Variants in ELOC observed in about 807,000 individuals in gnomAD.
ELOC encodes elongin C.
For synonymous variants in ELOC, 40 were observed against 51.3 expected, an observed-to-expected ratio of 0.78 and a Z score of 0.94; for missense variants, 38 against 139.0, an observed-to-expected ratio of 0.27 and a Z score of 3.65.
intron 3 of ELOC, among the ~76,000 whole-genome samples, chr8:73,953,248 G>T (rs532721782): frequency 2.0e-5 from 3 of 152,190 alleles, no homozygotes; most frequent in African/African-American, 7.2e-5. Context: ...GGAGGTTGCG[G>T]TGAGTGGAGA....
At chr8:73,962,809 A>G (rs1267671496) in intron 1 of ELOC, among the ~76,000 whole-genome samples, 2 of 152,352 alleles carry the variant, frequency 1.3e-5, no homozygotes, top group East Asian at 3.8e-4. Context: ...TTAAGGAGAG[A>G]AGAGGAGACC....
At chr8:73,963,734 T>C (rs922167858) in intron 1 of ELOC, among the ~76,000 whole-genome samples, 2 of 152,052 alleles carry the variant, frequency 1.3e-5, no homozygotes, top group African/African-American at 4.8e-5. Context: ...AAAATATCCA[T>C]AAAAATCCAT....
intron 1 of ELOC, among the ~76,000 whole-genome samples, chr8:73,962,322 A>C (rs1814659275): frequency 6.6e-6 from 1 of 152,244 alleles, no homozygotes; most frequent in African/African-American, 2.4e-5. Context: ...ATTTAAACCT[A>C]GGTAGGTCTG....
chr8:73,952,344 G>A (rs777180527), intron 3 of ELOC, among the ~76,000 whole-genome samples: 6 of 151,660 alleles, frequency 4.0e-5, no homozygotes, highest in Non-Finnish European at 5.9e-5. Flanking sequence ...GAGGTGGAGG[G>A]TGCAGTGAGC....
chr8:73,959,466 G>C (rs1348963257), intron 2 of ELOC, among the ~76,000 whole-genome samples: 1 of 152,004 alleles, frequency 6.6e-6, no homozygotes, highest in East Asian at 1.9e-4. Flanking sequence ...TAAAAACTAA[G>C]ATACAATCAC....
chr8:73,955,228 C>T (rs936516392), intron 3 of ELOC, among the ~76,000 whole-genome samples: 4 of 152,032 alleles, frequency 2.6e-5, no homozygotes, highest in Non-Finnish European at 5.9e-5. Flanking sequence ...CCGCACTTTG[C>T]GAAGCTGAGG....
At chr8:73,962,582 A>C (rs1008706538) in intron 1 of ELOC, among the ~76,000 whole-genome samples, 2 of 152,168 alleles carry the variant, frequency 1.3e-5, no homozygotes, top group Admixed American at 1.3e-4. Flanking sequence ...AAACAAAAAA[A>C]AAAACAAAAC....
chr8:73,966,425 T>C (rs1444284238), intron 1 of ELOC, among the ~76,000 whole-genome samples: 1 of 151,384 alleles, frequency 6.6e-6, no homozygotes, highest in East Asian at 1.9e-4. Flanking sequence ...AGTTGGACTT[T>C]ATCAAAGAGG....
chr8:73,966,378 A>G (rs1454898058), intron 1 of ELOC, among the ~76,000 whole-genome samples: 2 of 152,030 alleles, frequency 1.3e-5, no homozygotes, highest in Admixed American at 1.3e-4. Flanking sequence ...TCAAGAAGAG[A>G]GTGTAGGAAG....
intron 1 of ELOC, among the ~76,000 whole-genome samples, chr8:73,961,863 T>C (rs772674066): frequency 2.0e-5 from 3 of 152,134 alleles, no homozygotes; most frequent in Non-Finnish European, 4.4e-5. Flanking sequence ...TAAGAAGCGG[T>C]AAACACTGTA....
At chr8:73,971,985 T>G (rs1437794152) in intron 1 of ELOC, 92 bp downstream of exon 1, 1 of 152,110 alleles carries the variant, frequency 6.6e-6, no homozygotes, top group African/African-American at 2.4e-5. Flanking sequence ...AGGGAAGGGG[T>G]GGGAAGTGGG....
intron 3 of ELOC, among the ~76,000 whole-genome samples, chr8:73,947,752 T>G (rs1418610683): frequency 2.0e-5 from 3 of 152,012 alleles, no homozygotes; most frequent in Non-Finnish European, 4.4e-5. Context: ...TTCTTGTATT[T>G]TTTGTAGAGA....
chr8:73,952,772 G>GAA (rs34157631), intron 3 of ELOC, among the ~76,000 whole-genome samples: 204 of 138,950 alleles, frequency 1.5e-3, no homozygotes, highest in African/African-American at 3.5e-3. Context: ...CAGGTGTCTC[G>GAA]AAAAAAAAAA....
At chr8:73,958,867 T>C (rs1814392461) in intron 2 of ELOC, among the ~76,000 whole-genome samples, 1 of 152,202 alleles carries the variant, frequency 6.6e-6, no homozygotes, top group South Asian at 2.1e-4. Flanking sequence ...TAGGCAATCT[T>C]ATCATGATGC....
At chr8:73,952,955 AG>A (rs757146372) in intron 3 of ELOC, among the ~76,000 whole-genome samples, 19 of 152,188 alleles carry the variant, frequency 1.2e-4, no homozygotes, top group Non-Finnish European at 2.6e-4. Flanking sequence ...AAAAATGTCT[AG>A]GAAGTGTATT....
chr8:73,961,758 T>C (rs192993700), intron 1 of ELOC, among the ~76,000 whole-genome samples: 59 of 151,288 alleles, frequency 3.9e-4, no homozygotes, highest in African/African-American at 1.3e-3. Flanking sequence ...GGTGATCCAC[T>C]TGCCTCAGCC....
intron 3 of ELOC, 99 bp downstream of exon 3, chr8:73,955,812 C>T (rs1394433260): frequency 1.6e-6 from 2 of 1,284,818 alleles, no homozygotes; most frequent in Admixed American, 2.1e-5. Context: ...TGTTAGAAGA[C>T]TTATTTTCTC....
rs1325887576 is a variant in ELOC at position 73,972,151 on chromosome 8, C to G, written c.-125G>C. The G allele has an allele frequency of 6.6e-6, 1 of 152,504 alleles. No individual in the cohort carries two copies. Among genetic ancestry groups the G allele is most frequent in the Non-Finnish European group, 1.5e-5 (1 of 68,254 alleles). The allele number at this position is 152,504 out of a possible 1,614,324, so 9.4% of individuals were successfully genotyped here. A position where few individuals can be genotyped will look rare whatever the true frequency, so the allele number is the denominator to read the frequency against. On this transcript the variant is annotated 5_prime_UTR_variant, in exon 1 of 4. Coordinates refer to ENST00000520242, the MANE Select transcript of ELOC (RefSeq NM_005648.4). Reference sequence around the variant, plus strand: ...CCCTATCCCAGGGCCGCCCCCCCACCCCCAGCTGCCTGCTCCGGTGGGTTC... The same window carrying G: ...CCCTATCCCAGGGCCGCCCCCCCACGCCCAGCTGCCTGCTCCGGTGGGTTC...
chr8:73,950,400 T>A (rs1348499371), intron 3 of ELOC, among the ~76,000 whole-genome samples: 1 of 152,212 alleles, frequency 6.6e-6, no homozygotes, highest in African/African-American at 2.4e-5. Context: ...ACCAATTCAT[T>A]ACTCTGAAAA....
Sources: gnomAD v4.1 joint callset for allele counts (sites outside exome capture counted in the v4.1 genomes callset) on GRCh38, gnomAD v4.1.1 for gene constraint, MANE v1.5 for transcripts, NCBI Gene and HGNC (gene_info 2026-07-23, HGNC 2026-07-21) for gene names.